The following SHISA9 variants were observed in gnomAD, a reference collection of about 807,000 sequenced individuals.
SHISA9 encodes protein shisa-9.
In SHISA9, 13 loss-of-function variants were observed where a neutral mutation model predicts 38.0. The ratio of observed to expected loss-of-function variants is 0.34; its 90% CI spans 0.22 to 0.54. SHISA9 has a LOEUF of 0.54. SHISA9 is among the 20% of genes least tolerant of loss of function. SHISA9 has a pLI of 0.91. For missense variants in SHISA9, 538 were observed against 575.8 expected, an observed-to-expected ratio of 0.93 and a Z score of 0.67; for synonymous variants, 275 against 242.0, an observed-to-expected ratio of 1.14 and a Z score of -1.27.
intron 3 of SHISA9, among the ~76,000 whole-genome samples, chr16:13,208,296 G>T (rs955543503): frequency 6.6e-6 from 1 of 152,074 alleles, no homozygotes; most frequent in East Asian, 1.9e-4. Context: ...TTTGAATAAA[G>T]GGTGTTAATG....
At chr16:13,465,753 C>G in the SHISA9 span, among the ~76,000 whole-genome samples, 21 of 152,342 alleles carry the variant, frequency 1.4e-4, no homozygotes, top group African/African-American at 3.4e-4. Context: ...CTCTCTCCCC[C>G]CTCTACCTCT....
At chr16:12,945,602 T>G (rs975095557) in intron 2 of SHISA9, among the ~76,000 whole-genome samples, 1 of 152,212 alleles carries the variant, frequency 6.6e-6, no homozygotes, top group African/African-American at 2.4e-5. Flanking sequence ...GGGTTCAAAT[T>G]CAGACTCCAC....
At position 12,946,356 on chromosome 16, in the gene SHISA9, A is replaced by G. The variant is rs992767787; in HGVS notation, c.691+29541A>G. On this transcript the variant is annotated intron_variant, in intron 2 of 4. Transcript: ENST00000558583. ...GTCTTATTGGGAAAGATACAACTTG[A>G]AAGCATAAGGGAACCAAGTAAAAAG... Among the ~76,000 whole-genome samples, 7 of 152,298 alleles carry G rather than the reference A, an allele frequency of 4.6e-5. No individual in the cohort carries two copies. In the East Asian group the frequency reaches 1.2e-3, roughly 25 times the overall value.
chr16:13,255,173 T>C, the SHISA9 span, among the ~76,000 whole-genome samples: 2 of 152,290 alleles, frequency 1.3e-5, no homozygotes, highest in South Asian at 4.1e-4. Flanking sequence ...GGTTCTACTT[T>C]GACTATATCT....
chr16:13,316,345 T>G, the SHISA9 span, among the ~76,000 whole-genome samples: 1 of 152,054 alleles, frequency 6.6e-6, no homozygotes, highest in African/African-American at 2.4e-5. Context: ...GGGGATTCTG[T>G]GTGTAGGTTT....
intron 2 of SHISA9, among the ~76,000 whole-genome samples, chr16:13,005,288 A>G (rs1341412799): frequency 6.6e-6 from 1 of 152,092 alleles, no homozygotes; most frequent in Non-Finnish European, 1.5e-5. Context: ...TGGAGATTTA[A>G]ATTTGAGACT....
At chr16:13,349,958 T>G in the SHISA9 span, among the ~76,000 whole-genome samples, 2 of 152,196 alleles carry the variant, frequency 1.3e-5, no homozygotes, top group Admixed American at 6.5e-5. Flanking sequence ...GATGGTTAAT[T>G]TTAGGTCTCA....
At chr16:13,409,365 C>A in the SHISA9 span, among the ~76,000 whole-genome samples, 1 of 152,336 alleles carries the variant, frequency 6.6e-6, no homozygotes, top group South Asian at 2.1e-4. Context: ...ATCACACTGG[C>A]CCTCTGTCCT....
the SHISA9 span, among the ~76,000 whole-genome samples, chr16:13,446,637 G>A: frequency 1.3e-5 from 2 of 152,182 alleles, no homozygotes; most frequent in Non-Finnish European, 2.9e-5. Flanking sequence ...TGTTGAGACT[G>A]TGTGTGTATG....
intron 2 of SHISA9, among the ~76,000 whole-genome samples, chr16:13,010,976 T>G (rs2072665372): frequency 6.6e-6 from 1 of 152,128 alleles, no homozygotes; most frequent in African/African-American, 2.4e-5. Context: ...GCTAGTTAAA[T>G]AAATATTCTT....
chr16:13,331,834 A>C, the SHISA9 span: 1 of 152,126 alleles, frequency 6.6e-6, no homozygotes, highest in Non-Finnish European at 1.5e-5. Flanking sequence ...AACCATAATA[A>C]TACTTACCCC....
intron 2 of SHISA9, among the ~76,000 whole-genome samples, chr16:12,971,214 T>TC (rs1156668528): frequency 1.3e-5 from 2 of 152,178 alleles, no homozygotes; most frequent in Non-Finnish European, 2.9e-5. Context: ...GCTGCCCTTA[T>TC]CCCCCCTCCA....
At chr16:13,281,020 T>G in the SHISA9 span, among the ~76,000 whole-genome samples, 1 of 151,900 alleles carries the variant, frequency 6.6e-6, no homozygotes, top group Non-Finnish European at 1.5e-5. Context: ...TTTTTTATTT[T>G]TAAAATTACT....
At chr16:13,402,750 C>T in the SHISA9 span, among the ~76,000 whole-genome samples, 1 of 152,150 alleles carries the variant, frequency 6.6e-6, no homozygotes, top group East Asian at 1.9e-4. Context: ...TAATGTTTTA[C>T]CAGCTATCTG....
chr16:13,149,944 A>G (rs1471021330), intron 2 of SHISA9, among the ~76,000 whole-genome samples: 2 of 148,330 alleles, frequency 1.3e-5, no homozygotes, highest in African/African-American at 5.0e-5. Context: ...AAAAAAAAAA[A>G]GGAAAAAAAA....
At chr16:13,444,982 C>CTATATATATATATATATATATATA in the SHISA9 span, among the ~76,000 whole-genome samples, 3 of 106,318 alleles carry the variant, frequency 2.8e-5, no homozygotes, top group South Asian at 4.0e-4. Flanking sequence ...CCATGCCTAG[C>CTATATATATATATATATATATATA]TATATATATA....
intron 2 of SHISA9, among the ~76,000 whole-genome samples, chr16:12,927,527 T>C (rs1225946739): frequency 6.6e-6 from 1 of 152,002 alleles, no homozygotes; most frequent in African/African-American, 2.4e-5. Flanking sequence ...ACCTCTCAAG[T>C]AGCTGGGGCC....
chr16:12,929,289 G>A (rs2071433163), intron 2 of SHISA9, among the ~76,000 whole-genome samples: 1 of 152,124 alleles, frequency 6.6e-6, no homozygotes. Context: ...TTATTACTGG[G>A]TATACACCCA....
At chr16:13,200,010 TCAACCAATGACTAATAGGAG>T (rs1222529414) in intron 2 of SHISA9, among the ~76,000 whole-genome samples, 1 of 152,192 alleles carries the variant, frequency 6.6e-6, no homozygotes, top group Non-Finnish European at 1.5e-5. Flanking sequence ...GAAGCAGCTC[TCAACCAATGACTAATAGGAG>T]TTTGTGTGTA....
Sources: gnomAD v4.1 joint callset for allele counts (sites outside exome capture counted in the v4.1 genomes callset) on GRCh38, gnomAD v4.1.1 for gene constraint, MANE v1.5 for transcripts, NCBI Gene and HGNC (gene_info 2026-07-23, HGNC 2026-07-21) for gene names.